Variants in GPC6 observed in about 807,000 individuals in gnomAD.
GPC6 encodes glypican-6.
GPC6 carries 14 observed loss-of-function variants against 55.2 expected under a neutral mutation model. That is an observed-to-expected ratio of 0.25 (90% CI 0.17 to 0.40). The LOEUF (loss-of-function observed/expected upper bound fraction) is 0.40, where lower values mean the gene tolerates loss of function less well. Among genes scored for constraint, GPC6 ranks in the 10% least tolerant of loss-of-function variants. The probability of loss-of-function intolerance (pLI) is 1.00; values close to 1 mark genes in which losing one functional copy is unlikely to be tolerated. For synonymous variants in GPC6, 278 were observed against 259.6 expected (o/e 1.07, Z -0.68); for missense variants, 641 against 708.5 (o/e 0.90, Z 1.08).
intron 3 of GPC6, among the ~76,000 whole-genome samples, chr13:93,841,985 A>C (rs781160262): frequency 6.6e-6 from 1 of 152,184 alleles, no homozygotes; most frequent in Non-Finnish European, 1.5e-5. Flanking sequence ...GTACAAATAC[A>C]AGTCTTTTCA....
At chr13:93,481,323 A>G (rs1879514697) in intron 1 of GPC6, among the ~76,000 whole-genome samples, 1 of 152,068 alleles carries the variant, frequency 6.6e-6, no homozygotes, top group African/African-American at 2.4e-5. Flanking sequence ...GTATTTATAT[A>G]TTTGGAATAT....
chr13:94,009,273 A>G (rs1882145118), intron 3 of GPC6, among the ~76,000 whole-genome samples: 1 of 152,222 alleles, frequency 6.6e-6, no homozygotes, highest in Non-Finnish European at 1.5e-5. Flanking sequence ...ACTTGGAATA[A>G]AAGGAATGTT....
At chr13:94,332,559 T>G (rs561029688) in intron 6 of GPC6, among the ~76,000 whole-genome samples, 1 of 152,384 alleles carries the variant, frequency 6.6e-6, no homozygotes, top group South Asian at 2.1e-4. Context: ...TGGGGCTGGC[T>G]CAGCCGTTGG....
intron 4 of GPC6, among the ~76,000 whole-genome samples, chr13:94,142,363 A>G (rs2138882184): frequency 6.6e-6 from 1 of 152,356 alleles, no homozygotes; most frequent in East Asian, 1.9e-4. Context: ...AAAGTCAGAT[A>G]GCTTATCACC....
chr13:93,420,435 A>C (rs1196882351), intron 1 of GPC6, among the ~76,000 whole-genome samples: 1 of 152,100 alleles, frequency 6.6e-6, no homozygotes, highest in African/African-American at 2.4e-5. Flanking sequence ...TGGAAAATGC[A>C]AAAGCCCTCA....
At chr13:93,924,476 A>G (rs1259345961) in intron 3 of GPC6, among the ~76,000 whole-genome samples, 1 of 152,204 alleles carries the variant, frequency 6.6e-6, no homozygotes, top group Non-Finnish European at 1.5e-5. Context: ...AAATTCTATT[A>G]TGGATTTAGG....
intron 2 of GPC6, among the ~76,000 whole-genome samples, chr13:93,735,627 AT>A (rs1369569738): frequency 3.9e-5 from 6 of 152,254 alleles, no homozygotes; most frequent in Admixed American, 1.3e-4. Flanking sequence ...CATGAAACTG[AT>A]TCTTCTGAAA....
rs1379371127 is a variant in GPC6 at position 93,907,662 on chromosome 13, CCAGA to C, written c.711+77122_711+77125del. On this transcript the variant is annotated intron_variant, in intron 3 of 8. Coordinates refer to ENST00000377047, the MANE Select transcript of GPC6 (RefSeq NM_005708.5). The stretch of plus-strand genomic sequence containing the variant: ...TAATAATTAGTTTAAGGATACCCAG[CCAGA>C]CAGAGGTGCGACCAGACCAAGTCAG... Among the ~76,000 whole-genome samples, 5 of 152,232 alleles carry C rather than the reference CCAGA, an allele frequency of 3.3e-5. No homozygotes were observed. In the East Asian group the frequency reaches 9.6e-4, roughly 29 times the overall value.
chr13:93,695,960 A>G (rs1397546673), intron 2 of GPC6, among the ~76,000 whole-genome samples: 5 of 152,300 alleles, frequency 3.3e-5, no homozygotes, highest in Admixed American at 1.3e-4. Context: ...AGATTTTATA[A>G]GAAGAAAATA....
chr13:93,441,180 C>A (rs1877783966), intron 1 of GPC6, among the ~76,000 whole-genome samples: 1 of 152,170 alleles, frequency 6.6e-6, no homozygotes, highest in Non-Finnish European at 1.5e-5. Context: ...TTTATAGCAG[C>A]ATGATTTATA....
chr13:93,412,595 T>G (rs960510083), intron 1 of GPC6, among the ~76,000 whole-genome samples: 19 of 152,194 alleles, frequency 1.2e-4, no homozygotes, highest in African/African-American at 4.6e-4. Context: ...TAGTGAAAGT[T>G]GCAGTGGGCA....
intron 1 of GPC6, among the ~76,000 whole-genome samples, chr13:93,355,815 G>A (rs774774654): frequency 6.6e-6 from 1 of 152,090 alleles, no homozygotes; most frequent in Non-Finnish European, 1.5e-5. Context: ...CACGTTATGG[G>A]GGAAGGGAAA....
chr13:93,910,663 T>C (rs1044965313), intron 3 of GPC6, among the ~76,000 whole-genome samples: 2 of 152,112 alleles, frequency 1.3e-5, no homozygotes, highest in Admixed American at 6.6e-5. Context: ...CAATGGAAGA[T>C]ATAAAATACC....
At chr13:93,493,660 A>T (rs1309760804) in intron 1 of GPC6, among the ~76,000 whole-genome samples, 1 of 138,640 alleles carries the variant, frequency 7.2e-6, no homozygotes, top group Non-Finnish European at 1.6e-5. Flanking sequence ...GTGGGCATTT[A>T]GTGCTATAAA....
intron 1 of GPC6, among the ~76,000 whole-genome samples, chr13:93,516,823 ATC>A: frequency 6.6e-6 from 1 of 152,224 alleles, no homozygotes; most frequent in East Asian, 1.9e-4. Flanking sequence ...AAACTATAAA[ATC>A]ACCTCCAGCT....
rs186563525 is a variant in GPC6, at chr13:93,822,415, A to T, written c.320-7739A>T. Among the ~76,000 whole-genome samples the T allele has an allele frequency of 1.6e-3, 250 of 152,310 alleles. 1 individual carries two copies. The highest frequency in any genetic ancestry group is 3.4e-3 in the Middle Eastern group (1 of 294). On this transcript the variant is annotated intron_variant, in intron 2 of 8. Transcript: ENST00000377047. ...CGGTTATCTGCATTAACTACTTAAT[A>T]TTAAGGGGACAATAATCACACATGA...
At chr13:94,165,800 T>C (rs9301941) in intron 4 of GPC6, among the ~76,000 whole-genome samples, 2,862 of 152,220 alleles carry the variant, frequency 0.019, 104 homozygotes, top group African/African-American at 0.065. Flanking sequence ...ATATATTAGA[T>C]CAGAATAATA....
chr13:94,006,160 G>A (rs550644825), intron 3 of GPC6, among the ~76,000 whole-genome samples: 34 of 152,184 alleles, frequency 2.2e-4, no homozygotes, highest in Admixed American at 7.9e-4. Flanking sequence ...TGCATGTCAC[G>A]CACATACTCC....
chr13:93,710,302 T>C (rs986548861), intron 2 of GPC6, among the ~76,000 whole-genome samples: 1 of 151,864 alleles, frequency 6.6e-6, no homozygotes, highest in Non-Finnish European at 1.5e-5. Context: ...ATAGTATGCA[T>C]ATCTGTCATT....
Sources: gnomAD v4.1 joint callset for allele counts (sites outside exome capture counted in the v4.1 genomes callset) on GRCh38, gnomAD v4.1.1 for gene constraint, MANE v1.5 for transcripts, NCBI Gene and HGNC (gene_info 2026-07-23, HGNC 2026-07-21) for gene names.